The following MAP4K5 variants were observed in gnomAD, a reference collection of about 807,000 sequenced individuals.
MAP4K5 encodes the protein MAPK/ERK kinase kinase kinase 5.
MAP4K5 carries 82 observed loss-of-function variants against 135.6 expected under a neutral mutation model. The ratio of observed to expected loss-of-function variants is 0.60; its 90% confidence interval spans 0.51 to 0.73. The LOEUF (loss-of-function observed/expected upper bound fraction) is 0.73, where lower values mean the gene tolerates loss of function less well. Among genes scored for constraint, MAP4K5 ranks in the 30% least tolerant of loss-of-function variants. The pLI is 0.00. For missense variants in MAP4K5, 907 were observed against 1,010.9 expected (o/e 0.90, Z 1.39); for synonymous variants, 347 against 335.0 (o/e 1.04, Z -0.39).
At chr14:50,515,148 C>T (rs970869168) in intron 2 of MAP4K5, among the ~76,000 whole-genome samples, 2 of 152,084 alleles carry the variant, frequency 1.3e-5, no homozygotes, top group African/African-American at 4.8e-5. Context: ...GTGATCTGCC[C>T]GCCTTGGCCT....
At chr14:50,420,441 A>G (rs2035699898) in intron 32 of MAP4K5, among the ~76,000 whole-genome samples, 1 of 151,950 alleles carries the variant, frequency 6.6e-6, no homozygotes, top group Non-Finnish European at 1.5e-5. Flanking sequence ...GACCAGCCTG[A>G]GCAAGATGGC....
chr14:50,420,068 G>A lies in MAP4K5; in HGVS notation c.2492C>T (p.Thr831Ile), dbSNP rs779979261. 1.8e-5 allele frequency: 29 copies of A among 1,610,896 alleles called. No individual in the cohort carries two copies. The highest frequency in any genetic ancestry group is 2.1e-5 in the Non-Finnish European group (25 of 1,178,514). The stretch of plus-strand genomic sequence containing the variant: ...CAAGATGTAGAGATTGCTGTGTGCA[G>A]TAGGATTTTCTGTTGGCCTACTTTC... ...VLESRPTENPTAHSNLYILAG... is the reference protein window; with the variant it reads ...VLESRPTENPIAHSNLYILAG... Residue 831 changes from threonine to isoleucine, a missense_variant, in exon 33 of 33, where the codon ACT (threonine) becomes ATT (isoleucine). Coordinates refer to ENST00000682126, the MANE Select transcript of MAP4K5 (RefSeq NM_006575.6).
At chr14:50,438,234 T>C in intron 23 of MAP4K5, 140 bp from the exon 24 acceptor site, 1 of 484,378 alleles carries the variant, frequency 2.1e-6, no homozygotes, top group Non-Finnish European at 3.7e-6. Flanking sequence ...TCAGAATATA[T>C]AAATTAGGTA....
chr14:50,449,040 C>G (rs2036424240), intron 14 of MAP4K5: 1 of 475,942 alleles, frequency 2.1e-6, no homozygotes, highest in African/African-American at 2.1e-5. Context: ...AACATCTCTA[C>G]TTAATTCTTG....
At chr14:50,542,535 G>C (rs1437154802) in exon 2 of MAP4K5, 2 of 152,214 alleles carry the variant, frequency 1.3e-5, no homozygotes, top group Non-Finnish European at 2.9e-5. Flanking sequence ...ATGGGCAGCA[G>C]AATTCCGTTG....
intron 32 of MAP4K5, among the ~76,000 whole-genome samples, chr14:50,420,602 A>G (rs1367964347): frequency 2.0e-5 from 3 of 152,222 alleles, no homozygotes. Flanking sequence ...ACTGCACTTC[A>G]GCCTGGGTGA....
chr14:50,507,299 C>T (rs2037831168), intron 2 of MAP4K5, among the ~76,000 whole-genome samples: 3 of 152,282 alleles, frequency 2.0e-5, no homozygotes, highest in Admixed American at 2.0e-4. Context: ...TTTCAAAAAA[C>T]CAGCTCCTGG....
At chr14:50,448,932 G>A in intron 14 of MAP4K5, 100 bp from the exon 15 acceptor site, 1 of 668,864 alleles carries the variant, frequency 1.5e-6, no homozygotes, top group Non-Finnish European at 2.6e-6. Flanking sequence ...GAGGGAGAAA[G>A]AAGAGGGGAA....
In MAP4K5 at chr14:50,531,959, A is replaced by C. The variant is rs2038401440; in HGVS notation, c.91T>G (p.Tyr31Asp). The C allele has an allele frequency of 1.9e-6, 3 of 1,601,916 alleles. No homozygotes were observed. The highest frequency in any genetic ancestry group is 2.6e-6 in the Non-Finnish European group (3 of 1,174,280). The change falls in exon 2 of 33, where the codon TAC becomes GAC. Residue 31 changes from tyrosine (Y) to aspartate (D), a missense_variant. Around this residue, in one of 3 missense-constraint regions of MAP4K5, gnomAD observed 196 missense variants for 189.3 expected, o/e 1.04. Transcript: ENST00000682126. ...ELVQRVGSGT[Y>D]GDVYKARNVH... ...TCACTTACCTTATAGACGTCCCCGT[A>C]GGTGCCGCTGCCGACCCTCTGGACG...
intron 7 of MAP4K5, 30 bp from the exon 8 acceptor site, chr14:50,476,200 T>C: frequency 3.4e-6 from 5 of 1,478,952 alleles, no homozygotes; most frequent in Non-Finnish European, 3.7e-6. Flanking sequence ...ACAATTAAAT[T>C]AGCATCATAA....
chr14:50,488,564 A>G (rs533437139), intron 3 of MAP4K5, among the ~76,000 whole-genome samples: 11 of 152,320 alleles, frequency 7.2e-5, no homozygotes, highest in African/African-American at 2.2e-4. Flanking sequence ...AAATTCTTAA[A>G]CTGACCCATA....
In MAP4K5 at chr14:50,476,875, A is replaced by G. The variant is rs1027673316; in HGVS notation, c.379-569T>C. 7.1e-4 allele frequency among the ~76,000 whole-genome samples: 108 copies of G among 152,194 alleles called. 1 individual carries two copies. The highest frequency in any genetic ancestry group is 7.6e-4 in the Non-Finnish European group (52 of 68,044). On this transcript the variant is annotated intron_variant, in intron 6 of 32. Transcript: ENST00000682126. Reference sequence around the variant, plus strand: ...GTTTCCTTATGTGGTGCTCCTTTATAATTTTCCCATTCTTCCCCACAACCC... The same window carrying G: ...GTTTCCTTATGTGGTGCTCCTTTATGATTTTCCCATTCTTCCCCACAACCC...
At chr14:50,474,163 G>A (rs2037041874) in intron 9 of MAP4K5, among the ~76,000 whole-genome samples, 1 of 152,214 alleles carries the variant, frequency 6.6e-6, no homozygotes, top group African/African-American at 2.4e-5. Context: ...AGCACTTTGG[G>A]AGGTAGATCA....
At chr14:50,475,253 G>A in intron 8 of MAP4K5, 104 bp from the exon 9 acceptor site, 2 of 822,892 alleles carry the variant, frequency 2.4e-6, no homozygotes, top group Non-Finnish European at 4.0e-6. Flanking sequence ...AAATATTAAT[G>A]TTAGAAAAAT....
intron 2 of MAP4K5, among the ~76,000 whole-genome samples, chr14:50,512,471 T>C (rs2037949713): frequency 2.0e-5 from 3 of 152,120 alleles, no homozygotes; most frequent in Admixed American, 2.0e-4. Flanking sequence ...GAAGCCAAGA[T>C]ATATTATATG....
intron 1 of MAP4K5, among the ~76,000 whole-genome samples, chr14:50,545,036 G>T (rs1285992943): frequency 2.0e-5 from 3 of 151,344 alleles, no homozygotes; most frequent in Non-Finnish European, 4.4e-5. Flanking sequence ...AACTCGGAAG[G>T]CCAGGCTGTG....
At position 50,428,770 on chromosome 14, in the gene MAP4K5, C is replaced by A. The variant is rs78759140; in HGVS notation, c.2234-16G>T. On this transcript the variant is annotated splice_polypyrimidine_tract_variant and intron_variant, in intron 29 of 32. Coordinates refer to ENST00000682126, the MANE Select transcript of MAP4K5 (RefSeq NM_006575.6). Reference sequence around the variant, plus strand: ...TTCACAAATTCTTAAAAAAAAAAAACAAGTCAAGACTGGACATGCAAATCT... The same window carrying A: ...TTCACAAATTCTTAAAAAAAAAAAAAAAGTCAAGACTGGACATGCAAATCT... The A allele has an allele frequency of 5.0e-5, 53 of 1,063,650 alleles. No homozygotes were observed. Among genetic ancestry groups the A allele is most frequent in the Middle Eastern group, 4.3e-4 (2 of 4,598 alleles). The allele number at this position is 1,063,650 out of a possible 1,614,324, so 65.9% of individuals were successfully genotyped here.
At position 50,425,893 on chromosome 14, in the gene MAP4K5, C is replaced by G. The variant is rs112078790; in HGVS notation, c.2397+14G>C. The G allele has an allele frequency of 1.0e-3, 1,617 of 1,596,826 alleles. 22 individuals carry two copies. In the African/African-American group the frequency reaches 0.018, roughly 18 times the overall value. On this transcript the variant is annotated intron_variant, in intron 31 of 32. Transcript: ENST00000682126. Reference sequence around the variant, plus strand: ...GTTAGTGGGAGTCAGTGGAGGTAATCTGAGAAGGCTTACCTCATCTGACTT... The same window carrying G: ...GTTAGTGGGAGTCAGTGGAGGTAATGTGAGAAGGCTTACCTCATCTGACTT...
At chr14:50,443,340 G>C (rs555934496) in intron 20 of MAP4K5, among the ~76,000 whole-genome samples, 1 of 17,326 alleles carries the variant, frequency 5.8e-5, no homozygotes, top group Admixed American at 1.1e-3. Context: ...AAGTTCCACT[G>C]ACTGGCCAGG....
Sources: allele counts gnomAD v4.1 joint callset (sites outside exome capture counted in the v4.1 genomes callset), GRCh38; gene constraint gnomAD v4.1.1; regional missense constraint gnomAD v4.1.1; transcripts MANE v1.5; gene names NCBI Gene and HGNC (gene_info 2026-07-23, HGNC 2026-07-21).